GRK7: variants seen among roughly 807,000 people sequenced by gnomAD.
GRK7 encodes G protein-coupled receptor kinase 7, also known as rhodopsin kinase GRK7.
A neutral mutation model predicts 34.1 loss-of-function variants in GRK7; 24 were observed. That is an observed-to-expected ratio of 0.70 (90% CI 0.51 to 0.99). GRK7 has a LOEUF of 0.99. Among genes scored for constraint, GRK7 ranks in the 50% least tolerant of loss-of-function variants. GRK7 has a pLI of 0.00. For missense variants in GRK7, 644 were observed against 707.3 expected, an observed-to-expected ratio of 0.91 and a Z score of 1.02; for synonymous variants, 256 against 279.4, an observed-to-expected ratio of 0.92 and a Z score of 0.84.
chr3:141,797,210 A>G (rs1710894169), intron 4 of GRK7, among the ~76,000 whole-genome samples: 1 of 152,214 alleles, frequency 6.6e-6, no homozygotes, highest in Non-Finnish European at 1.5e-5. Flanking sequence ...GGAGAGCAGG[A>G]AGCCGCCTCT....
chr3:141,757,496 T>C, the GRK7 span, among the ~76,000 whole-genome samples: 1 of 105,078 alleles, frequency 9.5e-6, no homozygotes, highest in Non-Finnish European at 1.9e-5. Flanking sequence ...TCATTTTTTA[T>C]GGCTGCATAG....
chr3:141,799,081 G>A (rs1710923105), intron 4 of GRK7, among the ~76,000 whole-genome samples: 1 of 152,174 alleles, frequency 6.6e-6, no homozygotes, highest in South Asian at 2.1e-4. Context: ...AGAACCCTCT[G>A]CTGTGTGGAG....
At position 141,763,555 on chromosome 3, in the gene GRK7, G is replaced by T. The variant is rs1490751999; in HGVS notation, c.-2398G>T. ...TAAGACCTCCTTCAACTTAGCAGTA[G>T]CCCAGTGGAAGCTGCAGGATCCCGG... On this transcript the variant is annotated 5_prime_UTR_variant, in exon 1 of 6. Transcript: ENST00000682958. Among the ~76,000 whole-genome samples, 1 of 152,142 alleles carries T rather than the reference G, an allele frequency of 6.6e-6. No individual in the cohort carries two copies. The highest frequency in any genetic ancestry group is 1.5e-5 in the Non-Finnish European group (1 of 68,028).
Position 141,784,297 on chromosome 3 carries a change from A to G in GRK7, c.1050+3486A>G, listed in dbSNP as rs377416159. Among the ~76,000 whole-genome samples the G allele has an allele frequency of 9.8e-5, 15 of 152,330 alleles. 1 individual carries two copies. Among genetic ancestry groups the G allele is most frequent in the African/African-American group, 3.6e-4 (15 of 41,568 alleles). ...CTTAGTAGAGAGGCTCACTGCCTAC[A>G]GACCTTTGGCCCTTTTACCTCTGCA... On this transcript the variant is annotated intron_variant, in intron 4 of 5. Coordinates refer to ENST00000682958, the MANE Select transcript of GRK7 (RefSeq NM_139209.3).
chr3:141,778,653 A>T lies in GRK7; in HGVS notation c.369A>T (p.Gln123His). 1 of 1,613,350 alleles carries T rather than the reference A, an allele frequency of 6.2e-7. No homozygotes were observed. Among genetic ancestry groups the T allele is most frequent in the African/African-American group, 1.3e-5 (1 of 75,050 alleles). Residue 123 changes from glutamine to histidine, a missense_variant, in exon 3 of 6, where the codon CAA becomes CAT. Gln to His is a conservative substitution (Grantham distance 24). Transcript: ENST00000682958. The surrounding 1 kb of genome is among the most constrained non-coding windows in gnomAD (Gnocchi z 4.1). Reference protein sequence around the residue: ...CASAPAPGNPQPFLSQAVATK... With the variant: ...CASAPAPGNPHPFLSQAVATK... ...GTGCCCCTGCCCCGGGGAACCCGCAACCCTTCCTCAGCCAGGCCGTGGCCA... is the reference window on the plus strand; with the variant it reads ...GTGCCCCTGCCCCGGGGAACCCGCATCCCTTCCTCAGCCAGGCCGTGGCCA...
At chr3:141,805,151 G>T (rs768268912) in intron 4 of GRK7, among the ~76,000 whole-genome samples, 1 of 151,732 alleles carries the variant, frequency 6.6e-6, no homozygotes, top group Non-Finnish European at 1.5e-5. Flanking sequence ...CACTGACCCC[G>T]TGGGCCCCCC....
In GRK7 at chr3:141,778,430, G is replaced by T. The variant is rs1055657448; in HGVS notation, c.146G>T (p.Arg49Leu). The T allele has an allele frequency of 2.5e-6, 4 of 1,612,740 alleles. No individual in the cohort carries two copies. Among genetic ancestry groups the T allele is most frequent in the South Asian group, 2.2e-5 (2 of 91,070 alleles). ...GGGCTGCAGGGCTGCGCGGAGCTCCGCCAGAAGCTGTCCCTGAACTTCCAC... is the reference window on the plus strand; with the variant it reads ...GGGCTGCAGGGCTGCGCGGAGCTCCTCCAGAAGCTGTCCCTGAACTTCCAC... The part of the protein sequence containing the change: ...LPGLQGCAEL[R>L]QKLSLNFHSL... Residue 49 changes from arginine to leucine, a missense_variant, in exon 3 of 6, where the codon CGC becomes CTC. By Grantham distance (102) the Arg-to-Leu change is moderately radical. Transcript: ENST00000682958. The surrounding 1 kb of genome is among the most constrained non-coding windows in gnomAD (Gnocchi z 4.1).
chr3:141,799,307 TGTA>T (rs1710926155), intron 4 of GRK7, among the ~76,000 whole-genome samples: 3 of 152,002 alleles, frequency 2.0e-5, no homozygotes, highest in African/African-American at 7.3e-5. Flanking sequence ...GGCGGAATAA[TGTA>T]GTAGTGAAAA....
At chr3:141,800,017 T>A (rs1012161588) in intron 4 of GRK7, among the ~76,000 whole-genome samples, 15 of 152,152 alleles carry the variant, frequency 9.9e-5, no homozygotes, top group African/African-American at 3.4e-4. Context: ...CAATAAATGT[T>A]GCTGAATAGA....
chr3:141,757,131 TTTTTTTTTTTTTTTTC>T, the GRK7 span, among the ~76,000 whole-genome samples: 2 of 28,072 alleles, frequency 7.1e-5, no homozygotes, highest in African/African-American at 3.2e-4. Context: ...ATCTTCTTCT[TTTTTTTTTTTTTTTTC>T]TTTTTTTTTT....
chr3:141,778,207 C>T lies in GRK7; in HGVS notation c.-78C>T. The T allele has an allele frequency of 6.7e-7, 1 of 1,499,524 alleles. No individual in the cohort carries two copies. The highest frequency in any genetic ancestry group is 1.3e-5 in the South Asian group (1 of 74,200). 92.9% of individuals were successfully genotyped at this position (1,499,524 alleles called of 1,614,324 possible). ...TCACTGTAAATCCCTTGGACGTTGTCTCACCCGGGAAGGGAAAGCAGCCAG... is the reference window on the plus strand; with the variant it reads ...TCACTGTAAATCCCTTGGACGTTGTTTCACCCGGGAAGGGAAAGCAGCCAG... On this transcript the variant is annotated 5_prime_UTR_variant, in exon 3 of 6. Transcript: ENST00000682958. This position sits in a 1 kb window ranked among gnomAD's most constrained non-coding sequence, Gnocchi z 4.1.
intron 1 of GRK7, among the ~76,000 whole-genome samples, chr3:141,767,121 TGAG>T (rs1393591959): frequency 6.6e-6 from 1 of 152,204 alleles, no homozygotes; most frequent in Non-Finnish European, 1.5e-5. Flanking sequence ...ATTATAGAAA[TGAG>T]GAGTTTTAAG....
chr3:141,811,747 C>T (rs560743356), intron 5 of GRK7, among the ~76,000 whole-genome samples: 91 of 152,272 alleles, frequency 6.0e-4, no homozygotes, highest in Admixed American at 1.3e-3. Context: ...GCAAATGCCT[C>T]GACAGCATGT....
chr3:141,807,970 G>A, intron 5 of GRK7, 51 bp downstream of exon 5: 1 of 1,462,072 alleles, frequency 6.8e-7, no homozygotes, highest in South Asian at 1.5e-5. Context: ...TTGTCCACAG[G>A]GATTAGGAGA....
At chr3:141,750,144 C>A in the GRK7 span, among the ~76,000 whole-genome samples, 1 of 151,950 alleles carries the variant, frequency 6.6e-6, no homozygotes, top group Non-Finnish European at 1.5e-5. Context: ...GGTTTTTTTG[C>A]CATTAAAAGT....
chr3:141,788,548 G>A (rs1162238672), intron 4 of GRK7, among the ~76,000 whole-genome samples: 1 of 152,174 alleles, frequency 6.6e-6, no homozygotes, highest in Non-Finnish European at 1.5e-5. Flanking sequence ...CTAGAACACG[G>A]TGACTTCTGC....
rs141164395 is a variant in GRK7 at position 141,818,481 on chromosome 3, C to CAAAA, written c.*1437_*1440dup. The CAAAA allele has an allele frequency of 6.9e-6, 1 of 145,704 alleles. No homozygotes were observed. Among genetic ancestry groups the CAAAA allele is most frequent in the Non-Finnish European group, 1.5e-5 (1 of 66,482 alleles). 9.0% of individuals were successfully genotyped at this position (145,704 alleles called of 1,614,324 possible). ...GGGCAGCAAGAGCAAGACTCTATCT[C>CAAAA]AAAAAAAAACAAAACAAAACAAAAC... On this transcript the variant is annotated 3_prime_UTR_variant, in exon 6 of 6. Transcript: ENST00000682958.
intron 4 of GRK7, among the ~76,000 whole-genome samples, chr3:141,796,541 G>A (rs1024651766): frequency 2.6e-5 from 4 of 152,186 alleles, no homozygotes; most frequent in Non-Finnish European, 5.9e-5. Flanking sequence ...TCTCTGCGAG[G>A]CACAGGGAGC....
rs552486315 is a variant in GRK7 at position 141,805,057 on chromosome 3, C to T, written c.1051-2588C>T. Among the ~76,000 whole-genome samples, 434 of 54,924 alleles carry T rather than the reference C, an allele frequency of 7.9e-3. 3 individuals are homozygous for T. The highest frequency in any genetic ancestry group is 8.8e-3 in the Non-Finnish European group (276 of 31,292). 36.0% of individuals were successfully genotyped at this position (54,924 alleles called of 152,430 possible). A position where few individuals can be genotyped will look rare whatever the true frequency, so the allele number is the denominator to read the frequency against. On this transcript the variant is annotated intron_variant, in intron 4 of 5. Transcript: ENST00000682958. ...ACACCCACTCACACACACTCATATG[C>T]CCACACACACACACACACACGCACA... is the stretch of plus-strand genomic sequence containing the variant.
Sources: gnomAD v4.1 joint callset for allele counts (sites outside exome capture counted in the v4.1 genomes callset) on GRCh38, gnomAD v4.1.1 for gene constraint, Gnocchi (gnomAD v3.1) non-coding constraint, MANE v1.5 for transcripts, NCBI Gene and HGNC (gene_info 2026-07-23, HGNC 2026-07-21) for gene names.